The following LPP variants were observed in gnomAD, a reference collection of about 807,000 sequenced individuals.
The protein encoded by LPP is LIM domain containing preferred translocation partner in lipoma.
LPP carries 38 observed loss-of-function variants against 60.4 expected under a neutral mutation model. That is an observed-to-expected ratio of 0.63 (90% CI 0.49 to 0.83). LPP has a LOEUF of 0.83. LPP is among the 40% of genes least tolerant of loss of function. The probability of loss-of-function intolerance (pLI) is 0.00; values close to 1 mark genes in which losing one functional copy is unlikely to be tolerated. For missense variants in LPP, 902 were observed against 783.6 expected (o/e 1.15, Z -1.80); for synonymous variants, 328 against 290.8 (o/e 1.13, Z -1.30).
intron 1 of LPP, among the ~76,000 whole-genome samples, chr3:188,222,998 A>G (rs11924330): frequency 6.6e-6 from 1 of 152,148 alleles, no homozygotes; most frequent in Non-Finnish European, 1.5e-5. Flanking sequence ...AACATGTGGA[A>G]GAGGTGGCAG....
chr3:188,338,551 TATTTTATGCA>T (rs1396965359), intron 2 of LPP, among the ~76,000 whole-genome samples: 8 of 152,204 alleles, frequency 5.3e-5, no homozygotes, highest in Non-Finnish European at 1.2e-4. Context: ...ACAGAATGTG[TATTTTATGCA>T]ACTTCTAATC....
intron 3 of LPP, among the ~76,000 whole-genome samples, chr3:188,365,115 C>G (rs564474851): frequency 7.1e-6 from 1 of 140,918 alleles, no homozygotes; most frequent in African/African-American, 2.6e-5. Flanking sequence ...GTAATAGAAG[C>G]GCTTTTTTTT....
At chr3:188,627,095 T>G (rs1846985557) in intron 7 of LPP, among the ~76,000 whole-genome samples, 1 of 152,118 alleles carries the variant, frequency 6.6e-6, no homozygotes, top group Admixed American at 6.6e-5. Flanking sequence ...ACAAAGATAA[T>G]TTCATGCTGA....
chr3:188,737,215 T>G (rs1250969578), intron 8 of LPP, among the ~76,000 whole-genome samples: 1 of 152,084 alleles, frequency 6.6e-6, no homozygotes, highest in African/African-American at 2.4e-5. Flanking sequence ...ATTAGCCAAA[T>G]AGGAAAGTTT....
rs1246410675 is a variant in LPP, at chr3:188,609,155, T to C, written c.430-6T>C. On this transcript the variant is annotated splice_polypyrimidine_tract_variant and splice_region_variant and intron_variant, in intron 6 of 11. Coordinates refer to ENST00000617246, the MANE Select transcript of LPP (RefSeq NM_001375462.1). The surrounding 1 kb of genome is among the most constrained non-coding windows in gnomAD (Gnocchi z 6.9). The stretch of plus-strand genomic sequence containing the variant: ...CTTTCTTTCTTTTTTTTCCTATTCT[T>C]TTTAGAGCTCCACTGGTTCAACAGC... 6.4e-7 allele frequency: 1 copy of C among 1,571,052 alleles called. No individual in the cohort carries two copies. Among genetic ancestry groups the C allele is most frequent in the South Asian group, 1.2e-5 (1 of 85,924 alleles).
chr3:188,327,763 A>G (rs75745011), intron 2 of LPP, among the ~76,000 whole-genome samples: 8,500 of 152,190 alleles, frequency 0.056, 640 homozygotes, highest in African/African-American at 0.17. Flanking sequence ...CTAGTGGTTT[A>G]GAGCCAAAGT....
chr3:188,216,268 T>TC (rs1713536960), intron 1 of LPP, among the ~76,000 whole-genome samples: 1 of 149,218 alleles, frequency 6.7e-6, no homozygotes, highest in African/African-American at 2.4e-5. Flanking sequence ...GTCTTCTTCT[T>TC]CTTCCTTTTT....
At chr3:188,746,175 C>T (rs748401736) in intron 8 of LPP, among the ~76,000 whole-genome samples, 2 of 152,148 alleles carry the variant, frequency 1.3e-5, no homozygotes, top group Non-Finnish European at 2.9e-5. Context: ...TTATGGCACT[C>T]CCTAGTCACC....
At chr3:188,787,971 A>G (rs1251745859) in intron 9 of LPP, among the ~76,000 whole-genome samples, 2 of 152,120 alleles carry the variant, frequency 1.3e-5, no homozygotes, top group Non-Finnish European at 2.9e-5. Flanking sequence ...TTCAGACAGA[A>G]CCCAAGGTGT....
intron 9 of LPP, among the ~76,000 whole-genome samples, chr3:188,847,750 T>C (rs1256256293): frequency 6.6e-6 from 1 of 152,138 alleles, no homozygotes; most frequent in Non-Finnish European, 1.5e-5. Context: ...ATGCCTAGAG[T>C]GGGCTTATAA....
At chr3:188,685,977 G>A (rs1160885375) in intron 7 of LPP, among the ~76,000 whole-genome samples, 8 of 152,030 alleles carry the variant, frequency 5.3e-5, no homozygotes, top group Non-Finnish European at 1.0e-4. Flanking sequence ...TAGTCAAGGC[G>A]CTTCCCTGGC....
chr3:188,631,092 T>A (rs1847779321), intron 7 of LPP, among the ~76,000 whole-genome samples: 1 of 152,080 alleles, frequency 6.6e-6, no homozygotes, highest in Non-Finnish European at 1.5e-5. Flanking sequence ...ACCTGGGTGA[T>A]GAAATAGTTT....
At chr3:188,544,038 A>T (rs1395139380) in intron 6 of LPP, among the ~76,000 whole-genome samples, 1 of 152,170 alleles carries the variant, frequency 6.6e-6, no homozygotes, top group Non-Finnish European at 1.5e-5. Flanking sequence ...GTACTAACAG[A>T]TGTAGGAAGA....
At chr3:188,693,711 G>T (rs1195863710) in intron 7 of LPP, among the ~76,000 whole-genome samples, 1 of 152,082 alleles carries the variant, frequency 6.6e-6, no homozygotes, top group African/African-American at 2.4e-5. Context: ...GTGTCGCCTC[G>T]CCGAGAATAA....
At chr3:188,796,103 G>A (rs1025022728) in intron 9 of LPP, among the ~76,000 whole-genome samples, 1 of 152,166 alleles carries the variant, frequency 6.6e-6, no homozygotes, top group African/African-American at 2.4e-5. Context: ...TAAGGGAGAT[G>A]GACAGAGTGT....
At chr3:188,382,025 T>G (rs1290688359) in intron 3 of LPP, among the ~76,000 whole-genome samples, 1 of 151,890 alleles carries the variant, frequency 6.6e-6, no homozygotes, top group Non-Finnish European at 1.5e-5. Context: ...TGAGCTCAAG[T>G]GATCCTCCTG....
rs1024414413 is a variant in LPP, at chr3:188,572,453, G to A, written c.430-36708G>A. On this transcript the variant is annotated intron_variant, in intron 6 of 11. Coordinates refer to ENST00000617246, the MANE Select transcript of LPP (RefSeq NM_001375462.1). This position sits in a 1 kb window ranked among gnomAD's most constrained non-coding sequence, Gnocchi z 4.1. Reference sequence around the variant, plus strand: ...ATTTGGGTAGAGGTTAATGTCGGTAGACACATTATTAGAGTTAAGGGTCCT... The same window carrying A: ...ATTTGGGTAGAGGTTAATGTCGGTAAACACATTATTAGAGTTAAGGGTCCT... Among the ~76,000 whole-genome samples, 4 of 152,050 alleles carry A rather than the reference G, an allele frequency of 2.6e-5. No homozygotes were observed. In the South Asian group the frequency reaches 8.3e-4, roughly 32 times the overall value.
intron 5 of LPP, among the ~76,000 whole-genome samples, chr3:188,509,931 C>T (rs1814940653): frequency 7.6e-6 from 1 of 132,050 alleles, no homozygotes; most frequent in Non-Finnish European, 1.6e-5. Flanking sequence ...GTTGGCCAGG[C>T]TGGTCTCAAA....
intron 2 of LPP, chr3:188,247,001 A>T: frequency 6.2e-6 from 1 of 162,334 alleles, no homozygotes; most frequent in Non-Finnish European, 1.3e-5. Flanking sequence ...ATGAACTATT[A>T]ATAGAAAAAG....
Sources: allele counts gnomAD v4.1 joint callset (sites outside exome capture counted in the v4.1 genomes callset), GRCh38; gene constraint gnomAD v4.1.1; non-coding constraint Gnocchi (gnomAD v3.1); transcripts MANE v1.5; gene names NCBI Gene and HGNC (gene_info 2026-07-23, HGNC 2026-07-21).